Variants in ZCCHC10 observed in about 807,000 individuals in gnomAD.
ZCCHC10 encodes zinc finger CCHC-type containing 10.
A neutral mutation model predicts 19.5 loss-of-function variants in ZCCHC10; 16 were observed. The ratio of observed to expected loss-of-function variants is 0.82; its 90% CI spans 0.56 to 1.25. The LOEUF (loss-of-function observed/expected upper bound fraction) is 1.25, where lower values mean the gene tolerates loss of function less well. Ranked by LOEUF, ZCCHC10 falls within the 50% of genes most tolerant of loss-of-function variation. The probability of loss-of-function intolerance (pLI) is 0.00; values close to 1 mark genes in which losing one functional copy is unlikely to be tolerated. For missense variants in ZCCHC10, 197 were observed against 201.0 expected (o/e 0.98, Z 0.12); for synonymous variants, 67 against 72.5 (o/e 0.92, Z 0.38).
At position 133,000,147 on chromosome 5, in the gene ZCCHC10, T is replaced by A; in HGVS notation, c.296A>T (p.Lys99Met). 1 of 1,613,944 alleles carries A rather than the reference T, an allele frequency of 6.2e-7. No individual in the cohort carries two copies. Among genetic ancestry groups the A allele is most frequent in the Non-Finnish European group, 8.5e-7 (1 of 1,179,978 alleles). Residue 99 changes from lysine to methionine, a missense_variant, in exon 4 of 5, where the codon AAG becomes ATG. By Grantham distance (95) the Lys-to-Met change is moderately conservative. Transcript: ENST00000509437. ...CCACACATACCTTTTTTTCTTGGCCTTTCTTTCTACATTGGTTTCTCCAAT... is the reference window on the plus strand; with the variant it reads ...CCACACATACCTTTTTTTCTTGGCCATTCTTTCTACATTGGTTTCTCCAAT... ...QSIGETNVER[K>M]AKKKRSKSVT...
At chr5:133,014,993 T>C (rs1763823587) in intron 2 of ZCCHC10, among the ~76,000 whole-genome samples, 1 of 152,060 alleles carries the variant, frequency 6.6e-6, no homozygotes, top group Admixed American at 6.6e-5. Context: ...CAGGTTAACA[T>C]AAGATTTCAA....
intron 1 of ZCCHC10, among the ~76,000 whole-genome samples, chr5:133,023,499 G>A (rs1327883388): frequency 6.7e-6 from 1 of 148,160 alleles, no homozygotes; most frequent in Non-Finnish European, 1.5e-5. Context: ...ATAAAGCCAG[G>A]TGCGGTGGCT....
At chr5:133,023,461 C>CCT (rs1189447766) in intron 1 of ZCCHC10, among the ~76,000 whole-genome samples, 1 of 135,552 alleles carries the variant, frequency 7.4e-6, no homozygotes, top group Non-Finnish European at 1.6e-5. Context: ...GTCCAAAGAC[C>CCT]TTTTTTTTTT....
intron 2 of ZCCHC10, among the ~76,000 whole-genome samples, chr5:133,022,505 C>A (rs1397879397): frequency 6.6e-6 from 1 of 151,102 alleles, no homozygotes; most frequent in Non-Finnish European, 1.5e-5. Context: ...CCAGGCTGGA[C>A]TGCAGTGGCG....
chr5:133,004,439 G>A (rs762955491), intron 3 of ZCCHC10, among the ~76,000 whole-genome samples: 70 of 152,294 alleles, frequency 4.6e-4, no homozygotes, highest in East Asian at 2.5e-3. Context: ...CTCCCAAAGT[G>A]CTGGGATTAC....
chr5:133,022,562 T>A (rs773854032), intron 2 of ZCCHC10, among the ~76,000 whole-genome samples: 11 of 151,932 alleles, frequency 7.2e-5, no homozygotes, highest in Non-Finnish European at 1.3e-4. Context: ...CAAGCAATTC[T>A]CCTGCCTAGC....
At chr5:133,019,128 A>T (rs1272420073) in intron 2 of ZCCHC10, 2 of 448,388 alleles carry the variant, frequency 4.5e-6, no homozygotes, top group East Asian at 1.4e-4. Flanking sequence ...TCACGCCTAT[A>T]ATCCTGGCAC....
In ZCCHC10 at chr5:132,997,608, T is replaced by G. The variant is rs1306934550; in HGVS notation, c.*975A>C. The G allele has an allele frequency of 6.6e-6, 1 of 152,164 alleles. No homozygotes were observed. Among genetic ancestry groups the G allele is most frequent in the Non-Finnish European group, 1.5e-5 (1 of 68,008 alleles). 9.4% of individuals were successfully genotyped at this position (152,164 alleles called of 1,614,324 possible). ...CATATATATGCAGTAGACTGTCATATATGACCAGTTACCATACAAACTATA... is the reference window on the plus strand; with the variant it reads ...CATATATATGCAGTAGACTGTCATAGATGACCAGTTACCATACAAACTATA... On this transcript the variant is annotated 3_prime_UTR_variant, in exon 5 of 5. Transcript: ENST00000509437.
chr5:133,024,131 T>C (rs528780636), intron 1 of ZCCHC10, among the ~76,000 whole-genome samples: 2 of 152,366 alleles, frequency 1.3e-5, no homozygotes, highest in East Asian at 3.9e-4. Context: ...ATATTGTAGA[T>C]ATAAAAATTT....
At chr5:133,004,185 T>A (rs1762957731) in intron 3 of ZCCHC10, among the ~76,000 whole-genome samples, 1 of 151,890 alleles carries the variant, frequency 6.6e-6, no homozygotes, top group Non-Finnish European at 1.5e-5. Context: ...TTTCTTTTTT[T>A]TTTTTTGAGA....
intron 2 of ZCCHC10, among the ~76,000 whole-genome samples, chr5:133,008,537 CAAAAAAA>C (rs567424776): frequency 1.0e-5 from 1 of 98,472 alleles, no homozygotes; most frequent in Non-Finnish European, 2.0e-5. Flanking sequence ...GACTCCATCT[CAAAAAAA>C]AAAAAAAAAA....
chr5:133,001,480 T>C (rs1199630425), intron 3 of ZCCHC10, among the ~76,000 whole-genome samples: 2 of 152,138 alleles, frequency 1.3e-5, no homozygotes, highest in Non-Finnish European at 2.9e-5. Flanking sequence ...TTTTTTCTTT[T>C]TGAGATAGGG....
intron 4 of ZCCHC10, among the ~76,000 whole-genome samples, chr5:132,999,593 T>C (rs1338809602): frequency 6.6e-6 from 1 of 152,116 alleles, no homozygotes; most frequent in Non-Finnish European, 1.5e-5. Context: ...GAGAAGACAA[T>C]TATTTATTGT....
intron 2 of ZCCHC10, among the ~76,000 whole-genome samples, chr5:133,019,595 G>T (rs371959919): frequency 2.6e-5 from 4 of 152,106 alleles, no homozygotes; most frequent in South Asian, 2.1e-4. Context: ...GACACCGCTG[G>T]TAAGAATGTA....
chr5:133,026,010 G>A (rs1296471928), intron 1 of ZCCHC10, among the ~76,000 whole-genome samples: 1 of 152,186 alleles, frequency 6.6e-6, no homozygotes, highest in African/African-American at 2.4e-5. Flanking sequence ...GTAGCAAAAG[G>A]TGGTAAGATA....
At chr5:133,009,613 CAAAAAAAA>C (rs59555378) in intron 2 of ZCCHC10, among the ~76,000 whole-genome samples, 1 of 55,524 alleles carries the variant, frequency 1.8e-5, no homozygotes, top group African/African-American at 6.3e-5. Context: ...GACTCCGTCT[CAAAAAAAA>C]AAAAAAAAAA....
At chr5:133,023,427 T>C (rs1315558325) in intron 1 of ZCCHC10, among the ~76,000 whole-genome samples, 1 of 151,800 alleles carries the variant, frequency 6.6e-6, no homozygotes, top group East Asian at 1.9e-4. Flanking sequence ...GTATTTAGAC[T>C]TTTTTCCCCG....
rs751632057 is a variant in ZCCHC10, at chr5:133,006,770, T to C, written c.258A>G (p.Leu86=). ...KALKEKENRL[L]LQQSIGETNV... is the part of the protein sequence containing the mutation. ...ACATGTAAACCTACCTTTGTTGCAA[T>C]AATAATCTGTTTTCTTTTTCTTTTA... The change falls in exon 3 of 5, where the codon TTA becomes TTG. Residue 86 remains leucine, a synonymous_variant. Coordinates refer to ENST00000509437, the MANE Select transcript of ZCCHC10 (RefSeq NM_001300816.3). 4 of 1,603,974 alleles carry C rather than the reference T, an allele frequency of 2.5e-6. No individual in the cohort carries two copies. Among genetic ancestry groups the C allele is most frequent in the East Asian group, 4.5e-5 (2 of 44,676 alleles).
In ZCCHC10 at chr5:133,000,145, C is replaced by T; in HGVS notation, c.298G>A (p.Ala100Thr). ...AACCACACATACCTTTTTTTCTTGG[C>T]CTTTCTTTCTACATTGGTTTCTCCA... ...SIGETNVERK[A>T]KKKRSKSVTS... The change falls in exon 4 of 5, where the codon GCC becomes ACC. Residue 100 changes from alanine to threonine, a missense_variant. Coordinates refer to ENST00000509437, the MANE Select transcript of ZCCHC10 (RefSeq NM_001300816.3). 6.2e-7 allele frequency: 1 copy of T among 1,612,710 alleles called. No homozygotes were observed. The highest frequency in any genetic ancestry group is 1.3e-5 in the African/African-American group (1 of 74,854).
Sources: allele counts gnomAD v4.1 joint callset (sites outside exome capture counted in the v4.1 genomes callset), GRCh38; gene constraint gnomAD v4.1.1; transcripts MANE v1.5; gene names NCBI Gene and HGNC (gene_info 2026-07-23, HGNC 2026-07-21).